ATOSA: variants seen among roughly 807,000 people sequenced by gnomAD.
ATOSA encodes atos homolog A, also known as atos homolog protein A.
At chr15:52,664,378 G>A in the ATOSA span, among the ~76,000 whole-genome samples, 1 of 152,150 alleles carries the variant, frequency 6.6e-6, no homozygotes, top group Non-Finnish European at 1.5e-5. Flanking sequence ...ACTTGTTTTC[G>A]TAGAAAGCTG....
At chr15:52,651,883 C>A in the ATOSA span, 1 of 1,535,458 alleles carries the variant, frequency 6.5e-7, no homozygotes, top group South Asian at 1.2e-5. Context: ...CTCTGTGAAG[C>A]CCTTTGTTTC....
the ATOSA span, among the ~76,000 whole-genome samples, chr15:52,703,157 AC>A: frequency 6.6e-6 from 1 of 152,226 alleles, no homozygotes; most frequent in African/African-American, 2.4e-5. Context: ...ATAAAAGAGT[AC>A]ACATGGTTCG....
chr15:52,593,301 T>A, the ATOSA span: 1 of 326,956 alleles, frequency 3.1e-6, no homozygotes, highest in East Asian at 6.9e-5. Flanking sequence ...GTGTGTGAAC[T>A]CAGCAAGATG....
At chr15:52,672,692 GT>G in the ATOSA span, among the ~76,000 whole-genome samples, 1 of 152,146 alleles carries the variant, frequency 6.6e-6, no homozygotes, top group Non-Finnish European at 1.5e-5. Context: ...GACCCCATGG[GT>G]TTCTTCAGTT....
the ATOSA span, chr15:52,657,775 C>T: frequency 6.6e-6 from 1 of 152,130 alleles, no homozygotes; most frequent in Admixed American, 6.5e-5. Context: ...ATCTTGAACA[C>T]TTTTAGTTCT....
chr15:52,638,010 A>G, the ATOSA span, among the ~76,000 whole-genome samples: 1 of 152,196 alleles, frequency 6.6e-6, no homozygotes, highest in African/African-American at 2.4e-5. Flanking sequence ...ACAATGTGGT[A>G]TAAAAGCAGC....
chr15:52,621,189 T>C, the ATOSA span, among the ~76,000 whole-genome samples: 1 of 152,190 alleles, frequency 6.6e-6, no homozygotes, highest in South Asian at 2.1e-4. Flanking sequence ...ATGACATACC[T>C]ACTTTTGACA....
the ATOSA span, among the ~76,000 whole-genome samples, chr15:52,680,629 CAT>C: frequency 6.6e-6 from 1 of 152,102 alleles, no homozygotes; most frequent in Non-Finnish European, 1.5e-5. Flanking sequence ...AGTAAAATAA[CAT>C]GTACAACTGA....
chr15:52,692,333 T>C, the ATOSA span, among the ~76,000 whole-genome samples: 2 of 152,208 alleles, frequency 1.3e-5, no homozygotes, highest in East Asian at 3.9e-4. Context: ...TATTCATTCC[T>C]AGTAAAATGT....
chr15:52,707,919 C>T, the ATOSA span, among the ~76,000 whole-genome samples: 3 of 152,128 alleles, frequency 2.0e-5, no homozygotes, highest in African/African-American at 2.4e-5. Flanking sequence ...ACGTGAGCCC[C>T]TGAATGCCAT....
the ATOSA span, among the ~76,000 whole-genome samples, chr15:52,685,754 G>T: frequency 6.6e-6 from 1 of 152,152 alleles, no homozygotes; most frequent in African/African-American, 2.4e-5. Flanking sequence ...TGTCACCCAG[G>T]CTGGAGTGTA....
chr15:52,690,942 A>G, the ATOSA span, among the ~76,000 whole-genome samples: 2 of 152,226 alleles, frequency 1.3e-5, no homozygotes, highest in Non-Finnish European at 2.9e-5. Context: ...ACATTGATGC[A>G]TTCTGTGATG....
chr15:52,671,453 T>G, the ATOSA span, among the ~76,000 whole-genome samples: 1 of 152,160 alleles, frequency 6.6e-6, no homozygotes, highest in Non-Finnish European at 1.5e-5. Context: ...TTAACAAATA[T>G]GTATTAAACA....
At chr15:52,661,595 C>A in the ATOSA span, among the ~76,000 whole-genome samples, 1 of 152,180 alleles carries the variant, frequency 6.6e-6, no homozygotes, top group Non-Finnish European at 1.5e-5. Context: ...TTCACGCCCT[C>A]AGCTTTTTAA....
the ATOSA span, among the ~76,000 whole-genome samples, chr15:52,669,780 T>C: frequency 6.6e-6 from 1 of 152,084 alleles, no homozygotes; most frequent in Non-Finnish European, 1.5e-5. Context: ...CCCAGAAGAG[T>C]CTACCAAAGG....
At chr15:52,638,633 G>A in the ATOSA span, among the ~76,000 whole-genome samples, 23 of 151,332 alleles carry the variant, frequency 1.5e-4, no homozygotes, top group South Asian at 4.2e-3. Flanking sequence ...CCCGGGAGGC[G>A]GAGGTTGCAG....
At chr15:52,668,991 C>T in the ATOSA span, among the ~76,000 whole-genome samples, 10 of 151,592 alleles carry the variant, frequency 6.6e-5, no homozygotes, top group East Asian at 5.8e-4. Flanking sequence ...CTGCAAGCTC[C>T]GCCTCCCCGG....
chr15:52,624,092 T>A, the ATOSA span, among the ~76,000 whole-genome samples: 1 of 152,240 alleles, frequency 6.6e-6, no homozygotes, highest in African/African-American at 2.4e-5. Context: ...TAGGTTCTTA[T>A]TATTTTATAC....
chr15:52,709,363 G>A, the ATOSA span, among the ~76,000 whole-genome samples: 245 of 152,206 alleles, frequency 1.6e-3, no homozygotes, highest in Non-Finnish European at 2.8e-3. Context: ...ATGTAGTAGA[G>A]TGCTTACTGC....
Sources: allele counts gnomAD v4.1 joint callset (sites outside exome capture counted in the v4.1 genomes callset), GRCh38; gene constraint gnomAD v4.1.1; transcripts MANE v1.5; gene names NCBI Gene and HGNC (gene_info 2026-07-23, HGNC 2026-07-21).